Variants in PLA2G4D observed in about 807,000 individuals in gnomAD.
The protein encoded by PLA2G4D is cytosolic phospholipase A2 delta.
Under a neutral mutation model 94.4 loss-of-function variants are expected in PLA2G4D, and 80 were observed. The ratio of observed to expected loss-of-function variants is 0.85; its 90% CI spans 0.71 to 1.02. The LOEUF is 1.02. PLA2G4D is among the 50% of genes least tolerant of loss of function. PLA2G4D has a pLI of 0.00. For synonymous variants in PLA2G4D, 438 were observed against 440.9 expected, an observed-to-expected ratio of 0.99 and a Z score of 0.08; for missense variants, 1,050 against 1,034.7, an observed-to-expected ratio of 1.01 and a Z score of -0.20.
intron 13 of PLA2G4D, among the ~76,000 whole-genome samples, chr15:42,073,509 T>A (rs772984240): frequency 6.6e-6 from 1 of 152,224 alleles, no homozygotes; most frequent in Non-Finnish European, 1.5e-5. Flanking sequence ...GTTGATGCTG[T>A]CAGCCCTGGG....
At chr15:42,090,457 A>T (rs541911479) in intron 1 of PLA2G4D, among the ~76,000 whole-genome samples, 1 of 152,314 alleles carries the variant, frequency 6.6e-6, no homozygotes, top group Admixed American at 6.5e-5. Flanking sequence ...GTTTCCAAGG[A>T]CTTCCTACAA....
intron 18 of PLA2G4D, 93 bp downstream of exon 18, chr15:42,070,624 G>A (rs1025261010): frequency 4.3e-6 from 6 of 1,386,408 alleles, no homozygotes; most frequent in South Asian, 1.4e-5. Context: ...TCGGGACCCC[G>A]GCGGTGTGGG....
chr15:42,087,745 C>T lies in PLA2G4D; in HGVS notation c.46-45G>A. On this transcript the variant is annotated intron_variant, in intron 1 of 19. Transcript: ENST00000290472. ...CCAGAGTCCTTCCTGCATTCCCTCC[C>T]TTATGCCTGGAGCTGCAGCCCGGGC... 5 of 1,592,634 alleles carry T rather than the reference C, an allele frequency of 3.1e-6. No homozygotes were observed. In the South Asian group the frequency reaches 5.6e-5, roughly 18 times the overall value.
intron 15 of PLA2G4D, 66 bp from the exon 16 acceptor site, chr15:42,071,617 GA>G: frequency 1.3e-6 from 2 of 1,525,532 alleles, no homozygotes; most frequent in Non-Finnish European, 1.8e-6. Flanking sequence ...GGTACTGATG[GA>G]AAATGGGAGT....
chr15:42,071,740 G>A (rs376873034), intron 15 of PLA2G4D, 34 bp downstream of exon 15: 15 of 1,612,436 alleles, frequency 9.3e-6, no homozygotes, highest in African/African-American at 6.7e-5. Flanking sequence ...CCTGGCCCAG[G>A]GCTGCCCAGG....
chr15:42,086,411 G>T, intron 3 of PLA2G4D, 67 bp from the exon 4 acceptor site: 1 of 1,533,946 alleles, frequency 6.5e-7, no homozygotes, highest in Non-Finnish European at 8.9e-7. Flanking sequence ...CCTCTGTTGA[G>T]CCCTTACTTG....
rs745806594 is a variant in PLA2G4D, at chr15:42,079,773, G to T, written c.1095-14C>A. 6.3e-7 allele frequency: 1 copy of T among 1,595,646 alleles called. No homozygotes were observed. Among genetic ancestry groups the T allele is most frequent in the East Asian group, 2.3e-5 (1 of 43,456 alleles). On this transcript the variant is annotated splice_polypyrimidine_tract_variant and intron_variant, in intron 12 of 19. Coordinates refer to ENST00000290472, the MANE Select transcript of PLA2G4D (RefSeq NM_178034.4). Reference sequence around the variant, plus strand: ...TGGGCCATTGTCCTGGAAGAACGAGGGGACAGAACAGTAGGAGCCCGAGGC... The same window carrying T: ...TGGGCCATTGTCCTGGAAGAACGAGTGGACAGAACAGTAGGAGCCCGAGGC...
chr15:42,071,910 C>T lies in PLA2G4D; in HGVS notation c.1437G>A (p.Glu479=), dbSNP rs774319887. The part of the protein sequence containing the change: ...ENNLETLDFK[E]WVEFSPYEVG... The stretch of plus-strand genomic sequence containing the variant: ...CCTCATAGGGGGAGAACTCAACCCA[C>T]TCTAATGGGGTGGGAAGGAGAGGCA... The change falls in exon 15 of 20, where the codon GAG becomes GAA. Residue 479 remains glutamate (E), a splice_region_variant and synonymous_variant. Coordinates refer to ENST00000290472, the MANE Select transcript of PLA2G4D (RefSeq NM_178034.4). 6.8e-6 allele frequency: 11 copies of T among 1,613,994 alleles called. No homozygotes were observed. Among genetic ancestry groups the T allele is most frequent in the Non-Finnish European group, 9.3e-6 (11 of 1,179,900 alleles).
intron 11 of PLA2G4D, 35 bp downstream of exon 11, chr15:42,081,444 G>A (rs571606020): frequency 6.2e-7 from 1 of 1,603,888 alleles, no homozygotes; most frequent in African/African-American, 1.3e-5. Context: ...GCCCGTCCAG[G>A]ATATCTGCAC....
chr15:42,084,006 TC>T lies in PLA2G4D; in HGVS notation c.472-228del, dbSNP rs1890094016. 4 of 553,660 alleles carry T rather than the reference TC, an allele frequency of 7.2e-6. No homozygotes were observed. In the East Asian group the frequency reaches 8.9e-5, roughly 12 times the overall value. The allele number at this position is 553,660 out of a possible 1,614,324, so 34.3% of individuals were successfully genotyped here. The stretch of plus-strand genomic sequence containing the variant: ...GAGGGCCCTGGCTCCACACCTCCCC[TC>T]CAGCTCCCCTGGCTTTGCCAAACTC... On this transcript the variant is annotated intron_variant, in intron 6 of 19. Coordinates refer to ENST00000290472, the MANE Select transcript of PLA2G4D (RefSeq NM_178034.4). The surrounding 1 kb of genome is among the most constrained non-coding windows in gnomAD (Gnocchi z 4.8).
chr15:42,068,586 G>T lies in PLA2G4D; in HGVS notation c.*129C>A. 1.3e-6 allele frequency: 1 copy of T among 797,954 alleles called. No homozygotes were observed. Among genetic ancestry groups the T allele is most frequent in the Non-Finnish European group, 2.0e-6 (1 of 511,814 alleles). 49.4% of individuals were successfully genotyped at this position (797,954 alleles called of 1,614,324 possible). A position where few individuals can be genotyped will look rare whatever the true frequency, so the allele number is the denominator to read the frequency against. Reference sequence around the variant, plus strand: ...GTGTGCAGTTCCCTCTGGGCAGTGAGACCAGCTACAGAGGCCACCCAGGCC... The same window carrying T: ...GTGTGCAGTTCCCTCTGGGCAGTGATACCAGCTACAGAGGCCACCCAGGCC... On this transcript the variant is annotated 3_prime_UTR_variant, in exon 20 of 20. Transcript: ENST00000290472.
intron 19 of PLA2G4D, among the ~76,000 whole-genome samples, chr15:42,069,405 G>C (rs770132119): frequency 2.6e-5 from 4 of 152,142 alleles, no homozygotes; most frequent in Non-Finnish European, 4.4e-5. Flanking sequence ...TGGAAAGCTG[G>C]GAATATCGCA....
In PLA2G4D at chr15:42,087,488, C is replaced by T. The variant is rs1331784440; in HGVS notation, c.119-52G>A. On this transcript the variant is annotated intron_variant, in intron 2 of 19. Coordinates refer to ENST00000290472, the MANE Select transcript of PLA2G4D (RefSeq NM_178034.4). ...AGGGAGTACTCCCCACACCCCTCTC[C>T]ATGAGCCATGCCAGTTTCCTACCAA... 4 of 1,611,846 alleles carry T rather than the reference C, an allele frequency of 2.5e-6. No homozygotes were observed. The South Asian group carries it at 4.4e-5, about 18-fold the overall frequency.
Position 42,083,193 on chromosome 15 carries a change from C to T in PLA2G4D, c.672+5G>A, listed in dbSNP as rs963494898. On this transcript the variant is annotated splice_donor_5th_base_variant and intron_variant, in intron 8 of 19. Transcript: ENST00000290472. ...TTGCAAACGAGGTCTAGAGCCAAGACCCACCCTCAGGCGCCCGCTCAGCTC... is the reference window on the plus strand; with the variant it reads ...TTGCAAACGAGGTCTAGAGCCAAGATCCACCCTCAGGCGCCCGCTCAGCTC... 3 of 1,612,512 alleles carry T rather than the reference C, an allele frequency of 1.9e-6. No homozygotes were observed. The highest frequency in any genetic ancestry group is 8.5e-7 in the Non-Finnish European group (1 of 1,179,274).
At position 42,068,826 on chromosome 15, in the gene PLA2G4D, C is replaced by A. The variant is rs747591819; in HGVS notation, c.2346G>T (p.Leu782=). 1.2e-6 allele frequency: 2 copies of A among 1,614,034 alleles called. No individual in the cohort carries two copies. The highest frequency in any genetic ancestry group is 1.3e-5 in the African/African-American group (1 of 75,076). The stretch of plus-strand genomic sequence containing the variant: ...TCTGCACGTTGTAGTCACTGAGCCG[C>A]AGCAGGCGCTCGAAGTCTTCCTCCT... ...TYKEEDFERL[L]RLSDYNVQTS... Residue 782 remains leucine (L), a synonymous_variant, in exon 20 of 20, where the codon CTG becomes CTT. Coordinates refer to ENST00000290472, the MANE Select transcript of PLA2G4D (RefSeq NM_178034.4).
chr15:42,081,728 CT>C (rs759528877), intron 10 of PLA2G4D, 68 bp downstream of exon 10: 2 of 1,613,248 alleles, frequency 1.2e-6, no homozygotes, highest in Non-Finnish European at 1.7e-6. Context: ...CAAGGACCAC[CT>C]TTGTCCATAG....
intron 19 of PLA2G4D, 94 bp from the exon 20 acceptor site, chr15:42,069,035 C>CAG: frequency 9.6e-7 from 1 of 1,036,714 alleles, no homozygotes; most frequent in Non-Finnish European, 1.4e-6. Context: ...GCTGGAGGGG[C>CAG]CCCTGCTTTC....
intron 8 of PLA2G4D, among the ~76,000 whole-genome samples, chr15:42,082,832 TGA>T (rs1890065111): frequency 6.6e-6 from 1 of 151,618 alleles, no homozygotes. Flanking sequence ...ATATTGGAAA[TGA>T]GAGAGGAGAC....
At chr15:42,077,931 G>A (rs1426455326) in intron 13 of PLA2G4D, among the ~76,000 whole-genome samples, 2 of 152,246 alleles carry the variant, frequency 1.3e-5, no homozygotes, top group Admixed American at 6.5e-5. Context: ...ACAGGGAAGG[G>A]CTGAAAGCAC....
Sources: allele counts gnomAD v4.1 joint callset (sites outside exome capture counted in the v4.1 genomes callset), GRCh38; gene constraint gnomAD v4.1.1; non-coding constraint Gnocchi (gnomAD v3.1); transcripts MANE v1.5; gene names NCBI Gene and HGNC (gene_info 2026-07-23, HGNC 2026-07-21).